SIPA1L1: variants seen among roughly 807,000 people sequenced by gnomAD.
SIPA1L1 encodes the protein signal induced proliferation associated 1 like 1.
In SIPA1L1, 26 loss-of-function variants were observed where a neutral mutation model predicts 162.7. That is an observed-to-expected ratio of 0.16 (90% confidence interval 0.12 to 0.22). SIPA1L1 has a LOEUF of 0.22. SIPA1L1 is among the 10% of genes least tolerant of loss of function. The pLI, the probability that SIPA1L1 is intolerant of heterozygous loss-of-function variation, is 1.00. For missense variants in SIPA1L1, 1,874 were observed against 2,241.0 expected, an observed-to-expected ratio of 0.84 and a Z score of 3.31; for synonymous variants, 829 against 837.4, an observed-to-expected ratio of 0.99 and a Z score of 0.17.
intron 19 of SIPA1L1, among the ~76,000 whole-genome samples, chr14:71,725,665 C>T (rs184515810): frequency 4.5e-4 from 68 of 152,264 alleles, no homozygotes; most frequent in African/African-American, 1.5e-3. Flanking sequence ...TGGAGTCTCA[C>T]GCCCCCGGGG....
intron 4 of SIPA1L1, among the ~76,000 whole-genome samples, chr14:71,533,641 C>T (rs954941048): frequency 2.6e-5 from 4 of 152,204 alleles, no homozygotes; most frequent in Admixed American, 2.6e-4. Flanking sequence ...TGCGGTTGTA[C>T]ATGCACATGC....
intron 5 of SIPA1L1, among the ~76,000 whole-genome samples, chr14:71,596,139 C>A (rs545881811): frequency 6.6e-6 from 1 of 152,246 alleles, no homozygotes; most frequent in African/African-American, 2.4e-5. Flanking sequence ...GGCTTCAGTC[C>A]TTCAAAGGAA....
chr14:71,340,609 T>C (rs2035548346), intron 2 of SIPA1L1, among the ~76,000 whole-genome samples: 1 of 152,220 alleles, frequency 6.6e-6, no homozygotes, highest in Non-Finnish European at 1.5e-5. Flanking sequence ...TCTGATGCTC[T>C]CCTGTTTACC....
intron 4 of SIPA1L1, among the ~76,000 whole-genome samples, chr14:71,570,361 C>T (rs771887766): frequency 3.9e-5 from 6 of 151,986 alleles, no homozygotes; most frequent in Non-Finnish European, 5.9e-5. Context: ...CAACCTCCAC[C>T]TCACAGCCTA....
intron 2 of SIPA1L1, among the ~76,000 whole-genome samples, chr14:71,467,983 A>G (rs2047142511): frequency 6.6e-6 from 1 of 151,530 alleles, no homozygotes; most frequent in Non-Finnish European, 1.5e-5. Flanking sequence ...GTAAAACCAT[A>G]AAGGGGAAAA....
At chr14:71,446,650 G>GT (rs563787145) in intron 2 of SIPA1L1, among the ~76,000 whole-genome samples, 1 of 151,942 alleles carries the variant, frequency 6.6e-6, no homozygotes, top group Non-Finnish European at 1.5e-5. Flanking sequence ...AGTCTTCAGT[G>GT]TTTTTTTGTG....
chr14:71,402,414 C>G (rs2041736850), intron 2 of SIPA1L1, among the ~76,000 whole-genome samples: 2 of 150,586 alleles, frequency 1.3e-5, no homozygotes, highest in African/African-American at 4.9e-5. Flanking sequence ...AGTGGTGCAA[C>G]CTCAGCTCTC....
At chr14:71,626,357 G>A (rs2039982653) in intron 7 of SIPA1L1, among the ~76,000 whole-genome samples, 1 of 152,122 alleles carries the variant, frequency 6.6e-6, no homozygotes, top group Non-Finnish European at 1.5e-5. Flanking sequence ...CTCCATGTCT[G>A]GACTAAAGAG....
rs2034798622 is a variant in SIPA1L1, at chr14:71,587,833, G to A, written c.-40G>A. The A allele has an allele frequency of 1.9e-6, 3 of 1,559,294 alleles. No homozygotes were observed. The highest frequency in any genetic ancestry group is 1.4e-5 in the African/African-American group (1 of 73,404). ...GCACATTTAAAACACAGATATGATG[G>A]TCCTTGCTGCAGGGATTTAAGTCTA... On this transcript the variant is annotated 5_prime_UTR_variant, in exon 5 of 24. Coordinates refer to ENST00000381232, the MANE Select transcript of SIPA1L1 (RefSeq NM_001386936.1).
At chr14:71,336,147 G>A (rs954708899) in intron 2 of SIPA1L1, among the ~76,000 whole-genome samples, 11 of 152,138 alleles carry the variant, frequency 7.2e-5, no homozygotes, top group African/African-American at 2.2e-4. Flanking sequence ...GAGATGCTGA[G>A]CGTCTGAGGT....
chr14:71,722,676 G>A (rs1457009312), intron 17 of SIPA1L1, among the ~76,000 whole-genome samples: 1 of 152,104 alleles, frequency 6.6e-6, no homozygotes, highest in Non-Finnish European at 1.5e-5. Flanking sequence ...GCCTTTTTCT[G>A]CTCTGGAACT....
At chr14:71,554,613 A>C (rs1333400266) in intron 4 of SIPA1L1, among the ~76,000 whole-genome samples, 1 of 152,166 alleles carries the variant, frequency 6.6e-6, no homozygotes, top group African/African-American at 2.4e-5. Context: ...TTCTATATTG[A>C]TAAGAAAAAG....
rs2082158853 is a variant in SIPA1L1 at position 71,702,446 on chromosome 14, G to A, written c.3587G>A (p.Gly1196Asp). 5.6e-6 allele frequency: 9 copies of A among 1,614,032 alleles called. No individual in the cohort carries two copies. Among genetic ancestry groups the A allele is most frequent in the Non-Finnish European group, 7.6e-6 (9 of 1,179,988 alleles). The change falls in exon 15 of 24, where the codon GGC becomes GAC. Residue 1196 changes from glycine (G) to aspartate (D), a missense_variant. Physicochemically the swap from Gly to Asp is moderately conservative, Grantham distance 94. Transcript: ENST00000381232. Reference sequence around the variant, plus strand: ...CAGAACACCCAGTCAGATATTGGTGGCAGCGGAAAATCCACGCCTAGCTGG... The same window carrying A: ...CAGAACACCCAGTCAGATATTGGTGACAGCGGAAAATCCACGCCTAGCTGG... ...DRQNTQSDIG[G>D]SGKSTPSWQR...
At chr14:71,372,002 T>G (rs1296912624) in intron 2 of SIPA1L1, among the ~76,000 whole-genome samples, 1 of 152,188 alleles carries the variant, frequency 6.6e-6, no homozygotes, top group Non-Finnish European at 1.5e-5. Context: ...GAAACAAATC[T>G]GATGAACTCA....
intron 4 of SIPA1L1, among the ~76,000 whole-genome samples, chr14:71,548,339 C>T (rs1270395758): frequency 6.6e-6 from 1 of 152,092 alleles, no homozygotes; most frequent in African/African-American, 2.4e-5. Flanking sequence ...AAATTTTTAT[C>T]ATTTACAAAA....
chr14:71,607,107 G>A (rs921533092), intron 5 of SIPA1L1, among the ~76,000 whole-genome samples: 10 of 151,728 alleles, frequency 6.6e-5, no homozygotes, highest in African/African-American at 2.2e-4. Context: ...GATTTTCAGG[G>A]GGAATGAATG....
chr14:71,480,632 G>A (rs1595690360), intron 2 of SIPA1L1, among the ~76,000 whole-genome samples: 1 of 151,800 alleles, frequency 6.6e-6, no homozygotes, highest in East Asian at 2.0e-4. Context: ...CTTGGTGGTG[G>A]GTGCCTGTAA....
intron 2 of SIPA1L1, among the ~76,000 whole-genome samples, chr14:71,322,837 A>G (rs2033249634): frequency 6.6e-6 from 1 of 152,228 alleles, no homozygotes; most frequent in Non-Finnish European, 1.5e-5. Context: ...GACAGTCAGT[A>G]GGTGTTGCTG....
intron 12 of SIPA1L1, among the ~76,000 whole-genome samples, chr14:71,681,008 T>A (rs1263226606): frequency 6.6e-6 from 1 of 152,174 alleles, no homozygotes; most frequent in Non-Finnish European, 1.5e-5. Context: ...TTCATATCAT[T>A]TAAAGGGAAC....
Sources: allele counts gnomAD v4.1 joint callset (sites outside exome capture counted in the v4.1 genomes callset), GRCh38; gene constraint gnomAD v4.1.1; transcripts MANE v1.5; gene names NCBI Gene and HGNC (gene_info 2026-07-23, HGNC 2026-07-21).